Variants in TMPRSS11A observed in about 807,000 individuals in gnomAD.
TMPRSS11A encodes the protein transmembrane protease serine 11A.
A neutral mutation model predicts 58.9 loss-of-function variants in TMPRSS11A; 53 were observed. The observed-to-expected ratio is 0.90, with a 90% CI of 0.72 to 1.13. TMPRSS11A has a LOEUF of 1.13. Ranked by LOEUF, TMPRSS11A falls within the 50% of genes most tolerant of loss-of-function variation. The pLI is 0.00. For missense variants in TMPRSS11A, 493 were observed against 499.3 expected, an observed-to-expected ratio of 0.99 and a Z score of 0.12; for synonymous variants, 167 against 169.8, an observed-to-expected ratio of 0.98 and a Z score of 0.13.
chr4:67,937,329 T>A (rs1720777390), intron 3 of TMPRSS11A, among the ~76,000 whole-genome samples: 2 of 152,100 alleles, frequency 1.3e-5, no homozygotes, highest in Non-Finnish European at 2.9e-5. Context: ...TCCTCCTACC[T>A]TTGCCTTCCT....
chr4:67,935,869 G>GGA (rs1720740335), intron 3 of TMPRSS11A, among the ~76,000 whole-genome samples: 2 of 151,934 alleles, frequency 1.3e-5, no homozygotes, highest in Non-Finnish European at 2.9e-5. Flanking sequence ...TTAGGTAATT[G>GGA]ATTATTTGTG....
chr4:67,944,225 G>A (rs1720946108), intron 3 of TMPRSS11A, among the ~76,000 whole-genome samples: 1 of 152,046 alleles, frequency 6.6e-6, no homozygotes, highest in Non-Finnish European at 1.5e-5. Context: ...GGGAAGAAAT[G>A]GGCTAGGATA....
At chr4:67,939,052 A>G (rs568151979) in intron 3 of TMPRSS11A, among the ~76,000 whole-genome samples, 1 of 152,212 alleles carries the variant, frequency 6.6e-6, no homozygotes, top group African/African-American at 2.4e-5. Flanking sequence ...TGAGCATGGA[A>G]TGTTTTTGCA....
intron 7 of TMPRSS11A, among the ~76,000 whole-genome samples, chr4:67,920,452 A>G (rs1251052506): frequency 6.6e-6 from 1 of 150,578 alleles, no homozygotes; most frequent in Non-Finnish European, 1.5e-5. Flanking sequence ...AGACACTGAC[A>G]AAGTCTCGAA....
intron 1 of TMPRSS11A, among the ~76,000 whole-genome samples, chr4:67,961,778 G>A (rs1408971082): frequency 1.3e-5 from 2 of 152,052 alleles, no homozygotes; most frequent in African/African-American, 4.8e-5. Context: ...CTCCGAAAGT[G>A]CTGGGATTAC....
In TMPRSS11A at chr4:67,963,372, A is replaced by C. The variant is rs933229293; in HGVS notation, c.11+11T>G. 7 of 1,613,594 alleles carry C rather than the reference A, an allele frequency of 4.3e-6. No homozygotes were observed. In the African/African-American group the frequency reaches 9.3e-5, roughly 22 times the overall value. On this transcript the variant is annotated intron_variant, in intron 1 of 9. Transcript: ENST00000508048. Reference sequence around the variant, plus strand: ...TCAAACAAGCCATCTATAAAACAGAACTGAACTTACCGATACATCATGTAC... The same window carrying C: ...TCAAACAAGCCATCTATAAAACAGACCTGAACTTACCGATACATCATGTAC...
At chr4:67,926,494 G>A (rs570969738) in intron 5 of TMPRSS11A, among the ~76,000 whole-genome samples, 9 of 152,226 alleles carry the variant, frequency 5.9e-5, no homozygotes, top group Admixed American at 1.3e-4. Flanking sequence ...GAGCGGATGC[G>A]GGAGTAGCAG....
intron 3 of TMPRSS11A, among the ~76,000 whole-genome samples, chr4:67,937,454 A>G (rs1056444268): frequency 2.0e-5 from 3 of 152,212 alleles, no homozygotes; most frequent in Non-Finnish European, 4.4e-5. Context: ...TATAATCTTC[A>G]TGGATTTAAA....
intron 5 of TMPRSS11A, among the ~76,000 whole-genome samples, chr4:67,928,138 G>A (rs553240406): frequency 1.1e-4 from 17 of 152,198 alleles, no homozygotes; most frequent in African/African-American, 4.1e-4. Context: ...TCCGCCTCCC[G>A]GGTTCAAGTG....
In TMPRSS11A at chr4:67,943,273, C is replaced by T. The variant is rs925466814; in HGVS notation, c.252+1246G>A. 4.6e-5 allele frequency among the ~76,000 whole-genome samples: 7 copies of T among 152,122 alleles called. No homozygotes were observed. The East Asian group carries it at 9.6e-4, about 21-fold the overall frequency. On this transcript the variant is annotated intron_variant, in intron 3 of 9. Transcript: ENST00000508048. ...TCTTAAGACCTATTGCATTCTTCTC[C>T]GTTTACTTCAGTAAAGACAGAATTG...
At chr4:67,954,854 A>G (rs1000266738) in intron 1 of TMPRSS11A, among the ~76,000 whole-genome samples, 1 of 152,216 alleles carries the variant, frequency 6.6e-6, no homozygotes, top group Non-Finnish European at 1.5e-5. Flanking sequence ...TGTAAAATGC[A>G]AATAAAATTG....
intron 3 of TMPRSS11A, among the ~76,000 whole-genome samples, chr4:67,941,084 T>G (rs1720870379): frequency 6.6e-6 from 1 of 152,162 alleles, no homozygotes; most frequent in Non-Finnish European, 1.5e-5. Flanking sequence ...CTCCACTATC[T>G]CAGGGAACAG....
intron 7 of TMPRSS11A, 100 bp from the exon 8 acceptor site, chr4:67,919,332 A>G: frequency 1.9e-6 from 2 of 1,076,666 alleles, no homozygotes; most frequent in South Asian, 3.2e-5. Flanking sequence ...TACAATCCTG[A>G]GAATACTTGG....
chr4:67,959,291 C>T (rs1398221394), intron 1 of TMPRSS11A, among the ~76,000 whole-genome samples: 1 of 147,682 alleles, frequency 6.8e-6, no homozygotes, highest in Non-Finnish European at 1.5e-5. Context: ...TAACATCAAC[C>T]CTGGTGAAGA....
intron 2 of TMPRSS11A, among the ~76,000 whole-genome samples, chr4:67,945,522 C>G (rs1720982195): frequency 6.6e-6 from 1 of 152,200 alleles, no homozygotes; most frequent in Non-Finnish European, 1.5e-5. Context: ...AAACCTTACT[C>G]TCATTGTAAA....
chr4:67,936,461 A>AACTG (rs921999882), intron 3 of TMPRSS11A, among the ~76,000 whole-genome samples: 1 of 151,864 alleles, frequency 6.6e-6, no homozygotes, highest in Admixed American at 6.6e-5. Context: ...GGTCAAGCCT[A>AACTG]ACTGCCACAT....
At chr4:67,944,048 A>G (rs1720940868) in intron 3 of TMPRSS11A, among the ~76,000 whole-genome samples, 1 of 152,156 alleles carries the variant, frequency 6.6e-6, no homozygotes, top group Non-Finnish European at 1.5e-5. Context: ...CTTGATTACT[A>G]CAAAATAAGT....
At chr4:67,948,945 C>A (rs1721091647) in intron 1 of TMPRSS11A, among the ~76,000 whole-genome samples, 1 of 151,814 alleles carries the variant, frequency 6.6e-6, no homozygotes, top group Admixed American at 6.6e-5. Flanking sequence ...CGGTGCCCCT[C>A]TCGATTGATT....
rs1008073851 is a variant in TMPRSS11A, at chr4:67,910,627, C to CTCTA, written c.*711_*714dup. The CTCTA allele has an allele frequency of 4.6e-5, 7 of 152,118 alleles. No individual in the cohort carries two copies. Among genetic ancestry groups the CTCTA allele is most frequent in the African/African-American group, 1.7e-4 (7 of 41,554 alleles). 9.4% of individuals were successfully genotyped at this position (152,118 alleles called of 1,614,324 possible). On this transcript the variant is annotated 3_prime_UTR_variant, in exon 10 of 10. Coordinates refer to ENST00000508048, the MANE Select transcript of TMPRSS11A (RefSeq NM_001114387.2). ...ATATATAGTTTTGATTAACTAATCA[C>CTCTA]TCTATCTATCTATATATAATTCATT... is the stretch of plus-strand genomic sequence containing the variant.
Sources: allele counts gnomAD v4.1 joint callset (sites outside exome capture counted in the v4.1 genomes callset), GRCh38; gene constraint gnomAD v4.1.1; transcripts MANE v1.5; gene names NCBI Gene and HGNC (gene_info 2026-07-23, HGNC 2026-07-21).